The following MACROD2 variants were observed in gnomAD, a reference collection of about 807,000 sequenced individuals.
MACROD2 encodes ADP-ribose glycohydrolase MACROD2.
MACROD2 carries 36 observed loss-of-function variants against 70.4 expected under a neutral mutation model. The observed-to-expected ratio is 0.51, with a 90% CI of 0.39 to 0.68. MACROD2 has a LOEUF of 0.68. Ranked by LOEUF, MACROD2 falls within the 30% of genes least tolerant of loss-of-function variation. The pLI is 0.00. For synonymous variants in MACROD2, 172 were observed against 178.8 expected, an observed-to-expected ratio of 0.96 and a Z score of 0.30; for missense variants, 496 against 538.4, an observed-to-expected ratio of 0.92 and a Z score of 0.78.
At chr20:14,124,682 C>G (rs1450382657) in intron 3 of MACROD2, among the ~76,000 whole-genome samples, 1 of 152,112 alleles carries the variant, frequency 6.6e-6, no homozygotes, top group Non-Finnish European at 1.5e-5. Context: ...TTGGAACACT[C>G]AAACATGGCT....
At chr20:15,526,462 T>C (rs1156506810) in intron 8 of MACROD2, among the ~76,000 whole-genome samples, 4 of 151,840 alleles carry the variant, frequency 2.6e-5, no homozygotes, top group Admixed American at 6.6e-5. Context: ...GACCCAAAGA[T>C]GTGAATAGGT....
At chr20:15,993,528 G>A (rs2066587952) in intron 15 of MACROD2, among the ~76,000 whole-genome samples, 1 of 151,944 alleles carries the variant, frequency 6.6e-6, no homozygotes, top group Non-Finnish European at 1.5e-5. Flanking sequence ...TACCATCGAG[G>A]TTTGTGTAAG....
chr20:15,469,461 G>A lies in MACROD2; in HGVS notation c.572-30313G>A, dbSNP rs1458270311. 2.0e-5 allele frequency among the ~76,000 whole-genome samples: 3 copies of A among 152,300 alleles called. No individual in the cohort carries two copies. The East Asian group carries it at 5.8e-4, about 29-fold the overall frequency. On this transcript the variant is annotated intron_variant, in intron 7 of 17. Transcript: ENST00000684519. ...AAGTGGGTAGTGAGATCAATGTCAA[G>A]CTACGGAGGGCCTGGGATCCACAAA...
At chr20:15,696,979 T>A (rs1192369653) in intron 8 of MACROD2, among the ~76,000 whole-genome samples, 1 of 152,126 alleles carries the variant, frequency 6.6e-6, no homozygotes, top group Non-Finnish European at 1.5e-5. Flanking sequence ...GGTCTATCAA[T>A]TTTATTTATC....
intron 9 of MACROD2, among the ~76,000 whole-genome samples, chr20:15,881,638 A>G (rs548271898): frequency 6.6e-6 from 1 of 152,228 alleles, no homozygotes; most frequent in South Asian, 2.1e-4. Context: ...TATTGTTTAA[A>G]TGTGCCTACG....
chr20:14,161,725 C>T lies in MACROD2; in HGVS notation c.271+75997C>T, dbSNP rs565060021. On this transcript the variant is annotated intron_variant, in intron 3 of 17. Transcript: ENST00000684519. ...CCATGTAGCTGGGACTACAGGTACG[C>T]GCCACCACACCACCACACCCGTTAT... is the stretch of plus-strand genomic sequence containing the variant. Among the ~76,000 whole-genome samples, 30 of 152,030 alleles carry T rather than the reference C, an allele frequency of 2.0e-4. No homozygotes were observed. In the South Asian group the frequency reaches 2.1e-3, roughly 11 times the overall value.
intron 8 of MACROD2, among the ~76,000 whole-genome samples, chr20:15,610,172 G>T (rs115848146): frequency 6.6e-6 from 1 of 152,168 alleles, no homozygotes; most frequent in African/African-American, 2.4e-5. Flanking sequence ...CGTTTGCTGG[G>T]CAACCTCAGT....
intron 10 of MACROD2, among the ~76,000 whole-genome samples, chr20:15,904,877 T>C (rs2065121533): frequency 9.2e-6 from 1 of 109,058 alleles, no homozygotes; most frequent in Non-Finnish European, 1.7e-5. Context: ...AGAGACTCTG[T>C]CTCAAAAAAA....
At chr20:15,375,589 G>T (rs992232) in intron 6 of MACROD2, among the ~76,000 whole-genome samples, 138,357 of 152,170 alleles carry the variant, frequency 0.91, 62,975 homozygotes, top group East Asian at 0.98. Context: ...ATCAGATACC[G>T]CTCAACTTCT....
At chr20:15,289,901 A>G (rs141131894) in intron 6 of MACROD2, among the ~76,000 whole-genome samples, 50 of 152,340 alleles carry the variant, frequency 3.3e-4, no homozygotes, top group African/African-American at 1.0e-3. Flanking sequence ...TGTGAAAGCA[A>G]TTTCACAAAG....
chr20:15,196,486 TAGAGGA>T (rs1486360114), intron 5 of MACROD2, among the ~76,000 whole-genome samples: 1 of 152,132 alleles, frequency 6.6e-6, no homozygotes, highest in Non-Finnish European at 1.5e-5. Context: ...GTGAATGTCT[TAGAGGA>T]CCATAAACCA....
chr20:15,861,147 A>G (rs2064418955), intron 8 of MACROD2, among the ~76,000 whole-genome samples: 1 of 151,784 alleles, frequency 6.6e-6, no homozygotes, highest in South Asian at 2.1e-4. Flanking sequence ...TAATTATTTA[A>G]ACAGTACTTA....
chr20:14,067,150 A>T (rs1173848807), intron 2 of MACROD2, among the ~76,000 whole-genome samples: 2 of 110,962 alleles, frequency 1.8e-5, no homozygotes, highest in East Asian at 5.3e-4. Flanking sequence ...TTTGAGACAG[A>T]GTCTTGCTCT....
rs149772356 is a variant in MACROD2 at position 15,600,398 on chromosome 20, T to G, written c.645+100551T>G. Among the ~76,000 whole-genome samples the G allele has an allele frequency of 2.6e-5, 4 of 152,370 alleles. No homozygotes were observed. The East Asian group carries it at 7.7e-4, about 29-fold the overall frequency. ...AAGCCCATTTGATCTTAATTTCGTG[T>G]TGCTCATTATCAGTTCTCTTTTAAT... On this transcript the variant is annotated intron_variant, in intron 8 of 17. Coordinates refer to ENST00000684519, the MANE Select transcript of MACROD2 (RefSeq NM_001351661.2).
intron 5 of MACROD2, among the ~76,000 whole-genome samples, chr20:14,760,834 A>T (rs1292805500): frequency 6.6e-6 from 1 of 152,060 alleles, no homozygotes; most frequent in African/African-American, 2.4e-5. Context: ...TTTACTAGCA[A>T]TTTACAACCT....
chr20:15,974,630 T>C (rs2066278743), intron 13 of MACROD2, among the ~76,000 whole-genome samples: 2 of 152,154 alleles, frequency 1.3e-5, no homozygotes, highest in Non-Finnish European at 2.9e-5. Flanking sequence ...ACCCATAGAA[T>C]GTACAGTTCC....
At chr20:15,398,883 C>T (rs1303496791) in intron 6 of MACROD2, among the ~76,000 whole-genome samples, 1 of 152,146 alleles carries the variant, frequency 6.6e-6, no homozygotes, top group Non-Finnish European at 1.5e-5. Context: ...GTGGTGTAAT[C>T]GTACCTCACT....
chr20:14,465,577 T>C (rs2084435138), intron 3 of MACROD2, among the ~76,000 whole-genome samples: 1 of 152,098 alleles, frequency 6.6e-6, no homozygotes, highest in African/African-American at 2.4e-5. Flanking sequence ...CCTGTCATTA[T>C]GATGTTAGCT....
intron 8 of MACROD2, among the ~76,000 whole-genome samples, chr20:15,712,088 T>A (rs990757958): frequency 1.3e-5 from 2 of 152,234 alleles, no homozygotes; most frequent in Admixed American, 6.5e-5. Flanking sequence ...TCTTTGGTGA[T>A]GCCACTTTCT....
Sources: gnomAD v4.1 joint callset for allele counts (sites outside exome capture counted in the v4.1 genomes callset) on GRCh38, gnomAD v4.1.1 for gene constraint, MANE v1.5 for transcripts, NCBI Gene and HGNC (gene_info 2026-07-23, HGNC 2026-07-21) for gene names.